The following NRXN3 variants were observed in gnomAD, a reference collection of about 807,000 sequenced individuals.
The protein encoded by NRXN3 is neurexin III.
Under a neutral mutation model 137.6 loss-of-function variants are expected in NRXN3, and 32 were observed. The observed-to-expected ratio is 0.23, with a 90% CI of 0.18 to 0.31. The LOEUF (loss-of-function observed/expected upper bound fraction) is 0.31, where lower values mean the gene tolerates loss of function less well. Ranked by LOEUF, NRXN3 falls within the 10% of genes least tolerant of loss-of-function variation. The pLI is 1.00. For synonymous variants in NRXN3, 798 were observed against 784.5 expected (o/e 1.02, Z -0.29); for missense variants, 1,574 against 2,062.5 (o/e 0.76, Z 4.59).
At chr14:79,200,898 G>A (rs896664252) in intron 15 of NRXN3, 1 of 134,046 alleles carries the variant, frequency 7.5e-6, no homozygotes, top group African/African-American at 2.9e-5. Flanking sequence ...AAGAACATAT[G>A]GCAACTATCT....
At chr14:79,373,242 G>A (rs1051832782) in intron 15 of NRXN3, among the ~76,000 whole-genome samples, 1 of 152,062 alleles carries the variant, frequency 6.6e-6, no homozygotes, top group Non-Finnish European at 1.5e-5. Context: ...AGAAATACCA[G>A]TGAAGTGTAT....
chr14:78,804,374 A>G (rs1204101105), intron 9 of NRXN3, among the ~76,000 whole-genome samples: 1 of 152,176 alleles, frequency 6.6e-6, no homozygotes, highest in Non-Finnish European at 1.5e-5. Context: ...GAGGGAGGAC[A>G]AGTAGATTGT....
chr14:78,854,365 C>T (rs2099050965), intron 10 of NRXN3, among the ~76,000 whole-genome samples: 1 of 152,052 alleles, frequency 6.6e-6, no homozygotes, highest in Admixed American at 6.6e-5. Context: ...CTTCAGCTCC[C>T]TCTTCTAGCT....
intron 4 of NRXN3, among the ~76,000 whole-genome samples, chr14:78,314,016 G>A (rs777060753): frequency 7.2e-5 from 11 of 152,152 alleles, no homozygotes; most frequent in Non-Finnish European, 1.2e-4. Context: ...GCTCACAATA[G>A]AGTAGGAAGA....
At chr14:79,476,020 C>A (rs1360918748) in intron 16 of NRXN3, among the ~76,000 whole-genome samples, 1 of 152,106 alleles carries the variant, frequency 6.6e-6, no homozygotes, top group African/African-American at 2.4e-5. Flanking sequence ...TCCCTTAACA[C>A]CATCAGTTGG....
intron 15 of NRXN3, among the ~76,000 whole-genome samples, chr14:79,244,607 C>A (rs142504712): frequency 6.6e-6 from 1 of 152,138 alleles, no homozygotes; most frequent in African/African-American, 2.4e-5. Flanking sequence ...GCAAGTTGGA[C>A]TAATTCTTAG....
At chr14:79,641,090 C>G (rs1237950986) in intron 16 of NRXN3, among the ~76,000 whole-genome samples, 5 of 134,182 alleles carry the variant, frequency 3.7e-5, no homozygotes, top group African/African-American at 1.2e-4. Context: ...TCACTGTAAC[C>G]TCCGCCTCCT....
intron 19 of NRXN3, among the ~76,000 whole-genome samples, chr14:79,711,506 G>A (rs982432990): frequency 1.3e-5 from 2 of 151,280 alleles, no homozygotes; most frequent in Non-Finnish European, 1.5e-5. Context: ...TATTTATAGA[G>A]ATGAGGTCTT....
Position 78,668,930 on chromosome 14 carries a change from A to ATCTATCTATCTATCTG in NRXN3, c.1221+17607_1221+17608insATCTATCTATCTGTCT, listed in dbSNP as rs573422799. Among the ~76,000 whole-genome samples the ATCTATCTATCTATCTG allele has an allele frequency of 3.6e-4, 54 of 149,390 alleles. 1 individual carries two copies. The highest frequency in any genetic ancestry group is 3.4e-3 in the Middle Eastern group (1 of 294). On this transcript the variant is annotated intron_variant, in intron 6 of 20. Transcript: ENST00000335750. ...GCAACATATTAAACTCTATCTATCT[A>ATCTATCTATCTATCTG]TCTGTCTGTCTGTCTGTCTGTCTGT... is the stretch of plus-strand genomic sequence containing the variant.
intron 15 of NRXN3, among the ~76,000 whole-genome samples, chr14:79,303,690 G>C (rs980401221): frequency 1.3e-5 from 2 of 152,036 alleles, no homozygotes; most frequent in African/African-American, 4.8e-5. Flanking sequence ...ACACCAGAAA[G>C]ATCTCCATTG....
chr14:79,815,010 A>T (rs757680548), intron 20 of NRXN3, among the ~76,000 whole-genome samples: 1 of 152,166 alleles, frequency 6.6e-6, no homozygotes, highest in Non-Finnish European at 1.5e-5. Context: ...TTTTTAATTC[A>T]TGGAAGCATT....
At chr14:79,135,237 G>A (rs1361572171) in intron 15 of NRXN3, among the ~76,000 whole-genome samples, 1 of 152,110 alleles carries the variant, frequency 6.6e-6, no homozygotes, top group Non-Finnish European at 1.5e-5. Context: ...CAAATGCAGA[G>A]CCTGGGAATA....
intron 16 of NRXN3, among the ~76,000 whole-genome samples, chr14:79,607,931 A>G (rs1346912611): frequency 6.6e-6 from 1 of 152,128 alleles, no homozygotes; most frequent in Non-Finnish European, 1.5e-5. Flanking sequence ...TCAGTCTCCC[A>G]AAAGTGCTGG....
intron 4 of NRXN3, among the ~76,000 whole-genome samples, chr14:78,514,413 A>G (rs993726076): frequency 6.6e-6 from 1 of 152,124 alleles, no homozygotes; most frequent in Non-Finnish European, 1.5e-5. Context: ...TAAATATGCA[A>G]GGAGTCTTGG....
intron 15 of NRXN3, among the ~76,000 whole-genome samples, chr14:79,392,929 C>T (rs1237957397): frequency 5.0e-5 from 7 of 138,700 alleles, no homozygotes; most frequent in Admixed American, 4.6e-4. Context: ...AAGATCCTGC[C>T]ACTGCACTCT....
chr14:79,639,338 T>C (rs2098421063), intron 16 of NRXN3, among the ~76,000 whole-genome samples: 1 of 152,182 alleles, frequency 6.6e-6, no homozygotes, highest in Non-Finnish European at 1.5e-5. Context: ...TACCCAATAG[T>C]TATTTTTTTC....
chr14:78,778,730 C>CTTTCTT (rs1344399160), intron 8 of NRXN3, among the ~76,000 whole-genome samples: 31 of 118,040 alleles, frequency 2.6e-4, no homozygotes, highest in African/African-American at 6.7e-4. Flanking sequence ...TTCTTTCTTT[C>CTTTCTT]TCTCTCTCTT....
chr14:78,685,869 G>C (rs2098121326), intron 6 of NRXN3, among the ~76,000 whole-genome samples: 2 of 146,052 alleles, frequency 1.4e-5, no homozygotes, highest in Non-Finnish European at 3.0e-5. Flanking sequence ...GGCTGATCTC[G>C]AACTCCTGAC....
chr14:78,315,482 C>A (rs1213485095), intron 4 of NRXN3, among the ~76,000 whole-genome samples: 2 of 152,094 alleles, frequency 1.3e-5, no homozygotes, highest in South Asian at 2.1e-4. Flanking sequence ...ACAGCAAATT[C>A]CAAGGAATAA....
Sources: allele counts gnomAD v4.1 joint callset (sites outside exome capture counted in the v4.1 genomes callset), GRCh38; gene constraint gnomAD v4.1.1; transcripts MANE v1.5; gene names NCBI Gene and HGNC (gene_info 2026-07-23, HGNC 2026-07-21).